The following MRI1 variants were observed in gnomAD, a reference collection of about 807,000 sequenced individuals.
MRI1 encodes the protein methylthioribose-1-phosphate isomerase 1, also known as methylthioribose-1-phosphate isomerase.
A neutral mutation model predicts 27.3 loss-of-function variants in MRI1; 32 were observed. That is an observed-to-expected ratio of 1.17 (90% CI 0.88 to 1.57). MRI1 has a LOEUF of 1.57. Ranked by LOEUF, MRI1 falls within the 40% of genes most tolerant of loss-of-function variation. MRI1 has a pLI of 0.00. For synonymous variants in MRI1, 216 were observed against 227.4 expected (o/e 0.95, Z 0.45); for missense variants, 508 against 516.1 (o/e 0.98, Z 0.15).
intron 3 of MRI1, 46 bp from the exon 4 acceptor site, chr19:13,768,515 T>G: frequency 6.3e-7 from 1 of 1,594,830 alleles, no homozygotes; most frequent in Non-Finnish European, 8.5e-7. Flanking sequence ...ACCCTGTCTG[T>G]TTGCCCCTCC....
In MRI1 at chr19:13,772,473, C is replaced by T; in HGVS notation, c.*192C>T. 2 of 540,498 alleles carry T rather than the reference C, an allele frequency of 3.7e-6. No individual in the cohort carries two copies. Among genetic ancestry groups the T allele is most frequent in the Non-Finnish European group, 3.3e-6 (1 of 306,424 alleles). 33.5% of individuals were successfully genotyped at this position (540,498 alleles called of 1,614,324 possible). ...TCAAATCCTGACTCCGCCACTTTTCCCACTGTATGATCTTGGGCAAGTCAC... is the reference window on the plus strand; with the variant it reads ...TCAAATCCTGACTCCGCCACTTTTCTCACTGTATGATCTTGGGCAAGTCAC... On this transcript the variant is annotated 3_prime_UTR_variant, in exon 6 of 6. Transcript: ENST00000040663.
chr19:13,772,410 C>T lies in MRI1; in HGVS notation c.*129C>T, dbSNP rs1034799645. ...TGCAGGGAGCTCAGACAGGGCCTTC[C>T]ATCTAGAGCCCAGCACCTAGAGCCA... On this transcript the variant is annotated 3_prime_UTR_variant, in exon 6 of 6. Coordinates refer to ENST00000040663, the MANE Select transcript of MRI1 (RefSeq NM_001031727.4). 5.9e-6 allele frequency: 5 copies of T among 845,950 alleles called. No homozygotes were observed. Among genetic ancestry groups the T allele is most frequent in the Middle Eastern group, 4.6e-4 (2 of 4,336 alleles). The allele number at this position is 845,950 out of a possible 1,614,324, so 52.4% of individuals were successfully genotyped here. A position where few individuals can be genotyped will look rare whatever the true frequency, so the allele number is the denominator to read the frequency against.
chr19:13,768,037 T>C (rs1974180172), intron 3 of MRI1, among the ~76,000 whole-genome samples: 1 of 151,086 alleles, frequency 6.6e-6, no homozygotes, highest in Non-Finnish European at 1.5e-5. Flanking sequence ...CCCGGCTAAT[T>C]TTTTGAACTT....
Position 13,768,672 on chromosome 19 carries a change from A to G in MRI1, c.659A>G (p.Gln220Arg). 5 of 1,613,968 alleles carry G rather than the reference A, an allele frequency of 3.1e-6. No homozygotes were observed. The highest frequency in any genetic ancestry group is 4.2e-6 in the Non-Finnish European group (5 of 1,179,998). The change falls in exon 4 of 6, where the codon CAG becomes CGG. Residue 220 changes from glutamine (Q) to arginine (R), a missense_variant. By Grantham distance (43) the Gln-to-Arg change is conservative. Around this residue, in one of 3 missense-constraint regions of MRI1, gnomAD observed 457 missense variants for 452.8 expected, o/e 1.01. Transcript: ENST00000040663. Reference sequence around the variant, plus strand: ...ACGGCCTTTGAGCTGGTCTATGAGCAGATCCCCGCCACCCTTATCACCGAC... The same window carrying G: ...ACGGCCTTTGAGCTGGTCTATGAGCGGATCCCCGCCACCCTTATCACCGAC... ...RLTAFELVYE[Q>R]IPATLITDSM...
rs560210925 is a variant in MRI1 at position 13,765,174 on chromosome 19, T to C, written c.371+65T>C. ...TTATATTGACTCTTTTTAAGTACAG[T>C]GACCCACTATACAGATGGGGAAACT... On this transcript the variant is annotated intron_variant, in intron 2 of 5. Transcript: ENST00000040663. 68 of 1,312,242 alleles carry C rather than the reference T, an allele frequency of 5.2e-5. 1 individual carries two copies. The highest frequency in any genetic ancestry group is 4.4e-4 in the South Asian group (29 of 65,814). The allele number at this position is 1,312,242 out of a possible 1,614,324, so 81.3% of individuals were successfully genotyped here. A position where few individuals can be genotyped will look rare whatever the true frequency, so the allele number is the denominator to read the frequency against.
Position 13,773,815 on chromosome 19 carries a change from G to T in MRI1, c.*1534G>T, listed in dbSNP as rs138245463. 1 of 152,426 alleles carries T rather than the reference G, an allele frequency of 6.6e-6. No homozygotes were observed. The highest frequency in any genetic ancestry group is 2.4e-5 in the African/African-American group (1 of 41,576). 9.4% of individuals were successfully genotyped at this position (152,426 alleles called of 1,614,324 possible). A position where few individuals can be genotyped will look rare whatever the true frequency, so the allele number is the denominator to read the frequency against. ...TGGGATTACAGGAGCCTGGCACTAT[G>T]CCTGGCTAATTTTTGTATTTTTATT... On this transcript the variant is annotated 3_prime_UTR_variant, in exon 6 of 6. Coordinates refer to ENST00000040663, the MANE Select transcript of MRI1 (RefSeq NM_001031727.4).
chr19:13,767,432 T>A (rs1599553201), intron 3 of MRI1, among the ~76,000 whole-genome samples: 1 of 151,956 alleles, frequency 6.6e-6, no homozygotes, highest in Admixed American at 6.6e-5. Context: ...ACTGGCTAGG[T>A]GTAGTGGCGG....
At chr19:13,768,794 C>G in intron 4 of MRI1, 30 bp from the exon 5 acceptor site, 1 of 1,592,516 alleles carries the variant, frequency 6.3e-7, no homozygotes, top group Admixed American at 1.7e-5. Flanking sequence ...CAGGTAATGA[C>G]CCCCAACTTC....
intron 2 of MRI1, 68 bp from the exon 3 acceptor site, chr19:13,765,886 C>G: frequency 6.6e-7 from 1 of 1,506,464 alleles, no homozygotes; most frequent in Non-Finnish European, 9.0e-7. Flanking sequence ...CAGCGTTAGG[C>G]AGAGAGGAGG....
In MRI1 at chr19:13,768,819, C is replaced by T. The variant is rs1417328418; in HGVS notation, c.725-5C>T. 1 of 1,601,478 alleles carries T rather than the reference C, an allele frequency of 6.2e-7. No individual in the cohort carries two copies. Among genetic ancestry groups the T allele is most frequent in the Admixed American group, 1.7e-5 (1 of 59,658 alleles). On this transcript the variant is annotated splice_region_variant and splice_polypyrimidine_tract_variant and intron_variant, in intron 4 of 5. Coordinates refer to ENST00000040663, the MANE Select transcript of MRI1 (RefSeq NM_001031727.4). Reference sequence around the variant, plus strand: ...CCCCCAACTTCTCATACGCCCCCTCCCCAGCTGTGGTCGTGGGAGCTGACC... The same window carrying T: ...CCCCCAACTTCTCATACGCCCCCTCTCCAGCTGTGGTCGTGGGAGCTGACC...
Position 13,764,676 on chromosome 19 carries a change from G to A in MRI1, c.88G>A (p.Val30Met), listed in dbSNP as rs916460554. The A allele has an allele frequency of 6.3e-7, 1 of 1,595,044 alleles. No homozygotes were observed. Among genetic ancestry groups the A allele is most frequent in the Non-Finnish European group, 8.5e-7 (1 of 1,174,374 alleles). Residue 30 changes from valine (V) to methionine (M), a missense_variant, in exon 1 of 6, where the codon GTG becomes ATG. By Grantham distance (21) the Val-to-Met change is conservative. Transcript: ENST00000040663. ...GCCCAAGCAGAGCCGCTACGAGGCG[G>A]TGGGCTCGGTGCACCAGGCCTGGGA... ...LLPKQSRYEA[V>M]GSVHQAWEAI...
chr19:13,774,266 T>C lies in MRI1; in HGVS notation c.*1985T>C, dbSNP rs1974332590. On this transcript the variant is annotated 3_prime_UTR_variant, in exon 6 of 6. Transcript: ENST00000040663. ...AAAACACATAAGCTCTCAATAAACG[T>C]TAGCTTATCATTGTCACCGTTTTGT... The C allele has an allele frequency of 3.6e-6, 2 of 549,136 alleles. No homozygotes were observed. Among genetic ancestry groups the C allele is most frequent in the Admixed American group, 3.1e-5 (1 of 32,000 alleles). The allele number at this position is 549,136 out of a possible 1,614,324, so 34.0% of individuals were successfully genotyped here.
In MRI1 at chr19:13,774,147, G is replaced by T; in HGVS notation, c.*1866G>T. On this transcript the variant is annotated 3_prime_UTR_variant, in exon 6 of 6. Coordinates refer to ENST00000040663, the MANE Select transcript of MRI1 (RefSeq NM_001031727.4). ...ATTGTTTACTATTACCAAAGTTTTT[G>T]AACCTTCTTAAATTCTGTACCAGAG... 1 of 245,840 alleles carries T rather than the reference G, an allele frequency of 4.1e-6. No individual in the cohort carries two copies. Among genetic ancestry groups the T allele is most frequent in the Non-Finnish European group, 7.7e-6 (1 of 129,600 alleles). The allele number at this position is 245,840 out of a possible 1,614,324, so 15.2% of individuals were successfully genotyped here.
chr19:13,770,346 AGGCGGAGGTG>A (rs1358987792), intron 5 of MRI1, among the ~76,000 whole-genome samples: 1 of 152,170 alleles, frequency 6.6e-6, no homozygotes, highest in African/African-American at 2.4e-5. Context: ...ACACTTTGGG[AGGCGGAGGTG>A]GGCGGATCAC....
At chr19:13,765,446 C>T (rs1974101043) in intron 2 of MRI1, among the ~76,000 whole-genome samples, 1 of 152,044 alleles carries the variant, frequency 6.6e-6, no homozygotes, top group Admixed American at 6.6e-5. Flanking sequence ...AACTTTTTTT[C>T]CTGTCCTGGT....
chr19:13,765,913 G>C, intron 2 of MRI1, 41 bp from the exon 3 acceptor site: 1 of 1,549,966 alleles, frequency 6.5e-7, no homozygotes, highest in Non-Finnish European at 8.7e-7. Context: ...CCTGGGCCCC[G>C]GGTCCTGGTG....
rs779495156 is a variant in MRI1, at chr19:13,765,088, C to T, written c.350C>T (p.Thr117Met). The change falls in exon 2 of 6, where the codon ACG becomes ATG. Residue 117 changes from threonine (T) to methionine (M), a missense_variant. By Grantham distance (81) the Thr-to-Met change is moderately conservative. This residue lies in a region of MRI1 where 457 missense variants were observed against 452.8 expected (regional missense o/e 1.01). Coordinates refer to ENST00000040663, the MANE Select transcript of MRI1 (RefSeq NM_001031727.4). ...AAREAEREGA[T>M]EEAVRERVIC... ...CGGGAGGCCGAACGGGAGGGCGCTACGGAAGAGGCGGTCCGGGAGAGGTAC... is the reference window on the plus strand; with the variant it reads ...CGGGAGGCCGAACGGGAGGGCGCTATGGAAGAGGCGGTCCGGGAGAGGTAC... 2 of 1,537,140 alleles carry T rather than the reference C, an allele frequency of 1.3e-6. No individual in the cohort carries two copies. Among genetic ancestry groups the T allele is most frequent in the South Asian group, 1.2e-5 (1 of 83,310 alleles).
At position 13,764,574 on chromosome 19, in the gene MRI1, C is replaced by T. The variant is rs1451366577; in HGVS notation, c.-15C>T. ...CTAGCTCCCTCTGAGTTGCGCTGGG[C>T]TTGGCTGCTGCACCATGACCCTGGA... On this transcript the variant is annotated 5_prime_UTR_variant, in exon 1 of 6. Transcript: ENST00000040663. 1.9e-6 allele frequency: 3 copies of T among 1,605,556 alleles called. No individual in the cohort carries two copies. Among genetic ancestry groups the T allele is most frequent in the East Asian group, 4.5e-5 (2 of 44,750 alleles).
At position 13,773,502 on chromosome 19, in the gene MRI1, C is replaced by CA; in HGVS notation, c.*1222dup. The CA allele has an allele frequency of 6.5e-6, 1 of 152,828 alleles. No individual in the cohort carries two copies. The highest frequency in any genetic ancestry group is 1.9e-4 in the East Asian group (1 of 5,132). The allele number at this position is 152,828 out of a possible 1,614,324, so 9.5% of individuals were successfully genotyped here. ...AAAACAATGAGCTGGGCATGGAACTCACACCTCTAGCCCCAGCTACTCAGG... is the reference window on the plus strand; with the variant it reads ...AAAACAATGAGCTGGGCATGGAACTCAACACCTCTAGCCCCAGCTACTCAGG... On this transcript the variant is annotated 3_prime_UTR_variant, in exon 6 of 6. Coordinates refer to ENST00000040663, the MANE Select transcript of MRI1 (RefSeq NM_001031727.4).
Sources: allele counts gnomAD v4.1 joint callset (sites outside exome capture counted in the v4.1 genomes callset), GRCh38; gene constraint gnomAD v4.1.1; regional missense constraint gnomAD v4.1.1; transcripts MANE v1.5; gene names NCBI Gene and HGNC (gene_info 2026-07-23, HGNC 2026-07-21).